CD99L2: variants seen among roughly 807,000 people sequenced by gnomAD.
CD99L2 encodes CD99 molecule like 2.
Under a neutral mutation model 27.3 loss-of-function variants are expected in CD99L2, and 24 were observed. That is an observed-to-expected ratio of 0.88 (90% CI 0.64 to 1.24). The LOEUF (loss-of-function observed/expected upper bound fraction) is 1.24, where lower values mean the gene tolerates loss of function less well. Among genes scored for constraint, CD99L2 ranks in the 50% most tolerant of loss-of-function variants. The probability of loss-of-function intolerance (pLI) is 0.00; values close to 1 mark genes in which losing one functional copy is unlikely to be tolerated. For synonymous variants in CD99L2, 97 were observed against 87.9 expected (o/e 1.10, Z -0.58); for missense variants, 255 against 221.6 (o/e 1.15, Z -0.96).
chrX:150,796,147 G>C (rs1557419904), intron 4 of CD99L2, among the ~76,000 whole-genome samples: 1 of 112,316 alleles, frequency 8.9e-6, no homozygotes, highest in African/African-American at 3.2e-5. Context: ...AAAAGACAGA[G>C]ACAGTGCTGT....
intron 1 of CD99L2, among the ~76,000 whole-genome samples, chrX:150,839,984 G>T (rs894266679): frequency 6.5e-4 from 72 of 110,390 alleles, no homozygotes; most frequent in African/African-American, 2.3e-3. Context: ...GCTTCAGTGA[G>T]CTATGATCAT....
chrX:150,882,669 C>T (rs989107671), intron 1 of CD99L2, among the ~76,000 whole-genome samples: 4 of 111,023 alleles, frequency 3.6e-5, no homozygotes, highest in Admixed American at 2.9e-4. Context: ...GAGCCAGACT[C>T]CACCTCAAAA....
chrX:150,837,179 G>T (rs1284280109), intron 1 of CD99L2, among the ~76,000 whole-genome samples: 1 of 111,866 alleles, frequency 8.9e-6, no homozygotes, highest in Non-Finnish European at 1.9e-5. Context: ...TGATTTGACT[G>T]GGACAGAAAA....
chrX:150,776,124 CAA>C, intron 9 of CD99L2, 48 bp downstream of exon 9: 1 of 1,196,942 alleles, frequency 8.4e-7, no homozygotes, highest in Non-Finnish European at 1.1e-6. Flanking sequence ...CCTTTCCCTC[CAA>C]AGACCTTGCC....
At position 150,769,116 on chromosome X, in the gene CD99L2, G is replaced by A. The variant is rs1043977317; in HGVS notation, c.722-15C>T. On this transcript the variant is annotated splice_polypyrimidine_tract_variant and intron_variant, in intron 10 of 10. Coordinates refer to ENST00000370377, the MANE Select transcript of CD99L2 (RefSeq NM_031462.4). ...GGAGTATTTCACTAGGGGAAAAAGA[G>A]GCCGTCAGAAGGAATTCTGCTCTGT... 5 of 1,163,160 alleles carry A rather than the reference G, an allele frequency of 4.3e-6. No individual in the cohort carries two copies. The highest frequency in any genetic ancestry group is 4.6e-6 in the Non-Finnish European group (4 of 876,836).
chrX:150,843,416 G>A (rs1371534704), intron 1 of CD99L2, among the ~76,000 whole-genome samples: 6 of 110,713 alleles, frequency 5.4e-5, no homozygotes, highest in Non-Finnish European at 1.1e-4. Context: ...TTGGGAGGCC[G>A]AGGCGGGCAG....
chrX:150,898,213 T>G (rs1017738406), intron 1 of CD99L2, among the ~76,000 whole-genome samples: 13 of 111,868 alleles, frequency 1.2e-4, no homozygotes, highest in Middle Eastern at 4.7e-3. Flanking sequence ...AGGTAAACTC[T>G]TGGGGACAGC....
Position 150,768,185 on chromosome X carries a change from C to G in CD99L2, c.*849G>C, listed in dbSNP as rs1016192007. On this transcript the variant is annotated 3_prime_UTR_variant, in exon 11 of 11. Coordinates refer to ENST00000370377, the MANE Select transcript of CD99L2 (RefSeq NM_031462.4). Reference sequence around the variant, plus strand: ...CACTCTTGCTACCAAAACAGGGACACAGGGTGGAGGGTGAGCACCTCTCCC... The same window carrying G: ...CACTCTTGCTACCAAAACAGGGACAGAGGGTGGAGGGTGAGCACCTCTCCC... The G allele has an allele frequency of 8.0e-5, 9 of 111,942 alleles. No individual in the cohort carries two copies. Among genetic ancestry groups the G allele is most frequent in the African/African-American group, 2.9e-4 (9 of 30,700 alleles). 9.2% of individuals were successfully genotyped at this position (111,942 alleles called of 1,213,427 possible).
rs868940060 is a variant in CD99L2, at chrX:150,862,860, G to C, written c.68-31567C>G. ...AAAGAGAGAGAGAGAGAGAGACAGA[G>C]AGAGAAAGAAAGAAAGAAAAAGAAA... On this transcript the variant is annotated intron_variant, in intron 1 of 10. Transcript: ENST00000370377. Among the ~76,000 whole-genome samples the C allele has an allele frequency of 8.9e-5, 9 of 100,705 alleles. No individual in the cohort carries two copies. In the Admixed American group the frequency reaches 9.6e-4, roughly 11 times the overall value. The allele number at this position is 100,705 out of a possible 115,157, so 87.5% of individuals were successfully genotyped here.
At chrX:150,841,533 T>C (rs1429487280) in intron 1 of CD99L2, among the ~76,000 whole-genome samples, 1 of 112,063 alleles carries the variant, frequency 8.9e-6, no homozygotes, top group Admixed American at 9.5e-5. Context: ...ACCATCTCAA[T>C]GGGTCTTCCT....
intron 6 of CD99L2, among the ~76,000 whole-genome samples, chrX:150,794,195 TC>T (rs1464952584): frequency 5.4e-5 from 6 of 111,235 alleles, no homozygotes; most frequent in Non-Finnish European, 1.1e-4. Flanking sequence ...TCCTCCTTTC[TC>T]CCCCTACCAA....
chrX:150,794,861 C>T (rs113966392), intron 6 of CD99L2, among the ~76,000 whole-genome samples: 3,471 of 112,504 alleles, frequency 0.031, 153 homozygotes, highest in African/African-American at 0.11. Flanking sequence ...CAGCGTGCCG[C>T]TCTCCTCAAT....
At chrX:150,796,816 C>G (rs1239762440) in intron 4 of CD99L2, among the ~76,000 whole-genome samples, 1 of 111,972 alleles carries the variant, frequency 8.9e-6, no homozygotes, top group East Asian at 2.8e-4. Context: ...ATACTTAATT[C>G]AAATTAGAAA....
chrX:150,855,832 G>C (rs2046876826), intron 1 of CD99L2, among the ~76,000 whole-genome samples: 1 of 111,914 alleles, frequency 8.9e-6, no homozygotes, highest in Non-Finnish European at 1.9e-5. Context: ...CTATCAGAGG[G>C]ATTGTGCCCT....
intron 3 of CD99L2, 41 bp from the exon 4 acceptor site, chrX:150,814,977 T>G (rs782619126): frequency 8.4e-7 from 1 of 1,193,875 alleles, no homozygotes; most frequent in South Asian, 1.8e-5. Context: ...AGCCAACTGA[T>G]TAACAACTGG....
chrX:150,859,123 A>G (rs2046935060), intron 1 of CD99L2, among the ~76,000 whole-genome samples: 1 of 112,276 alleles, frequency 8.9e-6, no homozygotes, highest in Non-Finnish European at 1.9e-5. Context: ...ATAAATTTCT[A>G]GAAACTACAA....
intron 2 of CD99L2, among the ~76,000 whole-genome samples, chrX:150,824,301 AGAAGAGGAG>A (rs2046304370): frequency 1.3e-5 from 1 of 79,407 alleles, no homozygotes; most frequent in Non-Finnish European, 2.5e-5. Context: ...AAGAAGAAGA[AGAAGAGGAG>A]GAGGAGGAGG....
In CD99L2 at chrX:150,795,194, G is replaced by T; in HGVS notation, c.430+12C>A. On this transcript the variant is annotated intron_variant, in intron 6 of 10. Transcript: ENST00000370377. ...TAATTAATGAGACAGAACCAGACCA[G>T]GTGGGACTCACCTCCTCCTCCAGCA... 1 of 1,209,590 alleles carries T rather than the reference G, an allele frequency of 8.3e-7. No homozygotes were observed. Among genetic ancestry groups the T allele is most frequent in the Non-Finnish European group, 1.1e-6 (1 of 893,783 alleles).
chrX:150,771,719 C>A, intron 9 of CD99L2: 1 of 1,034,580 alleles, frequency 9.7e-7, no homozygotes, highest in Non-Finnish European at 1.3e-6. Context: ...GGGAGAAGAG[C>A]GGCAAGGAAG....
Sources: gnomAD v4.1 joint callset for allele counts (sites outside exome capture counted in the v4.1 genomes callset) on GRCh38, gnomAD v4.1.1 for gene constraint, MANE v1.5 for transcripts, NCBI Gene and HGNC (gene_info 2026-07-23, HGNC 2026-07-21) for gene names.